Variants in VSTM4 observed in about 807,000 individuals in gnomAD.
The protein encoded by VSTM4 is V-set and transmembrane domain containing 4, also known as V-set and transmembrane domain-containing protein 4.
A neutral mutation model predicts 36.4 loss-of-function variants in VSTM4; 20 were observed. That is an observed-to-expected ratio of 0.55 (90% CI 0.39 to 0.80). The LOEUF (loss-of-function observed/expected upper bound fraction) is 0.80. Among genes scored for constraint, VSTM4 ranks in the 30% least tolerant of loss-of-function variants. VSTM4 has a pLI of 0.00. For missense variants in VSTM4, 392 were observed against 404.5 expected (o/e 0.97, Z 0.26); for synonymous variants, 182 against 173.9 (o/e 1.05, Z -0.37).
intron 2 of VSTM4, among the ~76,000 whole-genome samples, chr10:49,092,964 G>A (rs1844503626): frequency 6.6e-6 from 1 of 152,174 alleles, no homozygotes; most frequent in African/African-American, 2.4e-5. Context: ...TGGGGCCACA[G>A]AGCAGCCCAA....
chr10:49,037,680 T>C (rs181026340), intron 7 of VSTM4, among the ~76,000 whole-genome samples: 3 of 152,338 alleles, frequency 2.0e-5, no homozygotes, highest in African/African-American at 7.2e-5. Context: ...ACAGGACAGG[T>C]GAAAATTTTG....
chr10:49,045,762 C>T (rs1434705626), intron 7 of VSTM4, among the ~76,000 whole-genome samples: 2 of 152,154 alleles, frequency 1.3e-5, no homozygotes, highest in Admixed American at 1.3e-4. Context: ...ATGAGCATCA[C>T]CATTAACAAG....
intron 4 of VSTM4, among the ~76,000 whole-genome samples, chr10:49,065,023 C>T (rs1843947873): frequency 6.6e-6 from 1 of 152,208 alleles, no homozygotes; most frequent in African/African-American, 2.4e-5. Flanking sequence ...AGTTGGGATC[C>T]TGGAGTAATA....
intron 7 of VSTM4, among the ~76,000 whole-genome samples, chr10:49,024,338 G>C (rs571540710): frequency 2.0e-5 from 3 of 152,164 alleles, no homozygotes; most frequent in Admixed American, 1.3e-4. Flanking sequence ...AGTAATTCTG[G>C]AGGAGGATTC....
intron 5 of VSTM4, among the ~76,000 whole-genome samples, chr10:49,057,290 A>G (rs1843797540): frequency 1.3e-5 from 2 of 152,210 alleles, no homozygotes; most frequent in Non-Finnish European, 2.9e-5. Context: ...AGTTTCATCC[A>G]TGCTCTTAGT....
chr10:49,074,194 G>A (rs553830411), intron 4 of VSTM4, among the ~76,000 whole-genome samples: 83 of 152,342 alleles, frequency 5.4e-4, no homozygotes, highest in Non-Finnish European at 9.8e-4. Flanking sequence ...ACTAGAATTT[G>A]TCTCAGTGTG....
chr10:49,042,810 G>T (rs1366230271), intron 7 of VSTM4, among the ~76,000 whole-genome samples: 1 of 152,210 alleles, frequency 6.6e-6, no homozygotes, highest in Non-Finnish European at 1.5e-5. Context: ...TGGTAGAAGA[G>T]ATGGATGATT....
At chr10:49,069,411 T>C (rs1844033162) in intron 4 of VSTM4, among the ~76,000 whole-genome samples, 1 of 152,206 alleles carries the variant, frequency 6.6e-6, no homozygotes, top group Admixed American at 6.5e-5. Flanking sequence ...CAGTACTTCA[T>C]GCACAGTAAG....
At chr10:49,078,672 G>A (rs1160363404) in intron 3 of VSTM4, among the ~76,000 whole-genome samples, 1 of 152,134 alleles carries the variant, frequency 6.6e-6, no homozygotes, top group Non-Finnish European at 1.5e-5. Context: ...AAGAAAATGG[G>A]TTTGGCTACA....
intron 5 of VSTM4, among the ~76,000 whole-genome samples, chr10:49,062,827 A>G (rs1166619521): frequency 1.3e-5 from 2 of 152,108 alleles, no homozygotes; most frequent in Admixed American, 6.5e-5. Flanking sequence ...GATTAGATAA[A>G]TTCTATTGCT....
chr10:49,109,396 A>G (rs1398137839), intron 1 of VSTM4, among the ~76,000 whole-genome samples: 3 of 152,190 alleles, frequency 2.0e-5, no homozygotes, highest in Admixed American at 6.5e-5. Context: ...ACTATTCTTC[A>G]TTGTAAAAAT....
At chr10:49,098,287 C>A (rs894155561) in intron 2 of VSTM4, among the ~76,000 whole-genome samples, 2 of 152,224 alleles carry the variant, frequency 1.3e-5, no homozygotes, top group South Asian at 2.1e-4. Context: ...TCACGTCTCA[C>A]CTGCAGTGAG....
In VSTM4 at chr10:49,107,846, C is replaced by T. The variant is rs760434047; in HGVS notation, c.205G>A (p.Asp69Asn). Reference sequence around the variant, plus strand: ...TTCACCATCAAGGCCTCCTGGGAGTCGAAGGAGTGTGCAAAGAACCAGCGC... The same window carrying T: ...TTCACCATCAAGGCCTCCTGGGAGTTGAAGGAGTGTGCAAAGAACCAGCGC... ...AVRWFFAHSF[D>N]SQEALMVKMT... The change falls in exon 2 of 8, where the codon GAC (aspartate) becomes AAC (asparagine). Residue 69 changes from aspartate to asparagine, a missense_variant. Physicochemically the swap from Asp to Asn is conservative, Grantham distance 23. Transcript: ENST00000332853. The T allele has an allele frequency of 3.7e-5, 60 of 1,614,072 alleles. No homozygotes were observed. The highest frequency in any genetic ancestry group is 7.7e-5 in the South Asian group (7 of 91,080).
At chr10:49,073,107 T>C (rs1036212045) in intron 4 of VSTM4, among the ~76,000 whole-genome samples, 4 of 152,230 alleles carry the variant, frequency 2.6e-5, no homozygotes, top group Non-Finnish European at 5.9e-5. Context: ...TATCATATCA[T>C]TTTTGTTATT....
chr10:49,084,527 G>T (rs1275374844), intron 3 of VSTM4, among the ~76,000 whole-genome samples: 1 of 152,222 alleles, frequency 6.6e-6, no homozygotes, highest in East Asian at 1.9e-4. Context: ...GGGTGAGCTT[G>T]AAAGCAAGTA....
At chr10:49,110,708 C>T (rs955312039) in intron 1 of VSTM4, among the ~76,000 whole-genome samples, 2 of 152,042 alleles carry the variant, frequency 1.3e-5, no homozygotes, top group African/African-American at 4.8e-5. Context: ...AACACAAACA[C>T]CACAGAGGGA....
intron 4 of VSTM4, among the ~76,000 whole-genome samples, chr10:49,074,435 G>T (rs1046335644): frequency 6.6e-6 from 1 of 152,326 alleles, no homozygotes; most frequent in Non-Finnish European, 1.5e-5. Flanking sequence ...GGCTGGAAAT[G>T]TAGGATTGCA....
intron 7 of VSTM4, among the ~76,000 whole-genome samples, chr10:49,030,917 G>A (rs11100979): frequency 6.6e-6 from 1 of 152,124 alleles, no homozygotes; most frequent in Non-Finnish European, 1.5e-5. Context: ...AGTGTTCTTG[G>A]GGAGAGTCCT....
At position 49,050,784 on chromosome 10, in the gene VSTM4, G is replaced by T. The variant is rs141372322; in HGVS notation, c.669-2200C>A. Among the ~76,000 whole-genome samples the T allele has an allele frequency of 3.8e-3, 584 of 152,208 alleles. 6 individuals carry two copies. The highest frequency in any genetic ancestry group is 0.013 in the African/African-American group (545 of 41,514). On this transcript the variant is annotated intron_variant, in intron 5 of 7. Coordinates refer to ENST00000332853, the MANE Select transcript of VSTM4 (RefSeq NM_001031746.5). ...ATAATGCATGCTCGTGTTTAAAAAG[G>T]GTAATTACAGGCATGGAAACCAAAG...
Sources: gnomAD v4.1 joint callset for allele counts (sites outside exome capture counted in the v4.1 genomes callset) on GRCh38, gnomAD v4.1.1 for gene constraint, MANE v1.5 for transcripts, NCBI Gene and HGNC (gene_info 2026-07-23, HGNC 2026-07-21) for gene names.